Variants in FRMD1 observed in about 807,000 individuals in gnomAD.
FRMD1 encodes FERM domain containing 1.
Under a neutral mutation model 54.9 loss-of-function variants are expected in FRMD1, and 51 were observed. The observed-to-expected ratio is 0.93, with a 90% CI of 0.74 to 1.17. The LOEUF is 1.17. FRMD1 is among the 50% of genes most tolerant of loss of function. The probability of loss-of-function intolerance (pLI) is 0.00; values close to 1 mark genes in which losing one functional copy is unlikely to be tolerated. For missense variants in FRMD1, 729 were observed against 743.0 expected (o/e 0.98, Z 0.22); for synonymous variants, 324 against 306.4 (o/e 1.06, Z -0.60).
chr6:168,087,463 G>A (rs940719788), intron 1 of FRMD1, among the ~76,000 whole-genome samples: 99 of 152,200 alleles, frequency 6.5e-4, no homozygotes, highest in African/African-American at 2.3e-3. Context: ...CTCCCACTCC[G>A]ATAACAATGT....
chr6:168,075,458 A>G, intron 1 of FRMD1, 123 bp from the exon 2 acceptor site: 2 of 766,520 alleles, frequency 2.6e-6, no homozygotes, highest in Middle Eastern at 3.1e-4. Context: ...CCCTGCAGGT[A>G]ACAGGTCTGG....
chr6:168,086,993 G>A (rs12198114), intron 1 of FRMD1, among the ~76,000 whole-genome samples: 2,166 of 152,140 alleles, frequency 0.014, 44 homozygotes, highest in Admixed American at 0.029. Context: ...TCAGCCCTGC[G>A]CTCACCAGCC....
chr6:168,059,171 AG>A lies in FRMD1; in HGVS notation c.1359del (p.Cys454AlafsTer20). ...RGDSQATRQE[P>X]CTQVRTRGQS... ...TGGCCTCTGGTCCTGACCTGGGTGC[AG>A]GGCTCCTGACGAGTGGCTGTGGGAG... is the stretch of plus-strand genomic sequence containing the variant. On this transcript the variant is annotated frameshift_variant, in exon 10 of 11. Transcript: ENST00000283309. LOFTEE classifies it low-confidence loss of function (END_TRUNC). The surrounding 1 kb of genome is among the most constrained non-coding windows in gnomAD (Gnocchi z 4.4). 6.3e-7 allele frequency: 1 copy of A among 1,586,464 alleles called. No homozygotes were observed. The highest frequency in any genetic ancestry group is 1.1e-5 in the South Asian group (1 of 87,320).
At position 168,079,029 on chromosome 6, in the gene FRMD1, A is replaced by G. The variant is rs2115021786; in HGVS notation, c.66T>C (p.Pro22=). The change falls in exon 1 of 11, where the codon CCT becomes CCC. Residue 22 remains proline, a synonymous_variant. Transcript: ENST00000283309. The part of the protein sequence containing the change: ...PARTNPDTFP[P]SGARCMEPSP... ...TGGGTTCCATACATCGCGCCCCTGAAGGAGGGAACGTGTCAGGGTTTGTCC... is the reference window on the plus strand; with the variant it reads ...TGGGTTCCATACATCGCGCCCCTGAGGGAGGGAACGTGTCAGGGTTTGTCC... The G allele has an allele frequency of 6.2e-7, 1 of 1,611,718 alleles. No homozygotes were observed. Among genetic ancestry groups the G allele is most frequent in the Non-Finnish European group, 8.5e-7 (1 of 1,179,914 alleles).
chr6:168,058,341 TGCAGCCTCTCGTGC>T (rs1799526563), intron 10 of FRMD1, among the ~76,000 whole-genome samples: 4 of 85,312 alleles, frequency 4.7e-5, no homozygotes, highest in Non-Finnish European at 1.0e-4. Context: ...TCTCTCTCCA[TGCAGCCTCTCGTGC>T]CCAGCCCTGT....
upstream of FRMD1, among the ~76,000 whole-genome samples, chr6:168,083,920 A>G (rs969560738): frequency 6.6e-6 from 1 of 152,216 alleles, no homozygotes; most frequent in Non-Finnish European, 1.5e-5. Context: ...TACTTGTTAC[A>G]AAGTCTCATC....
chr6:168,065,356 A>C (rs550675311), intron 4 of FRMD1: 98 of 1,183,666 alleles, frequency 8.3e-5, no homozygotes, highest in Admixed American at 7.6e-4. Context: ...ACCAAGCCCC[A>C]GTGCAGGAGA....
chr6:168,071,438 G>A (rs549037934), intron 2 of FRMD1, among the ~76,000 whole-genome samples: 1 of 152,222 alleles, frequency 6.6e-6, no homozygotes, highest in African/African-American at 2.4e-5. Context: ...CTCGGGTCAA[G>A]AAGGCCCTGG....
At position 168,061,880 on chromosome 6, in the gene FRMD1, C is replaced by T. The variant is rs1799756777; in HGVS notation, c.972G>A (p.Leu324=). 4 of 1,589,040 alleles carry T rather than the reference C, an allele frequency of 2.5e-6. No homozygotes were observed. The highest frequency in any genetic ancestry group is 3.4e-6 in the Non-Finnish European group (4 of 1,169,302). ...GGAGGTGGAGCTGGTGGCTGGCGCG[C>T]AGCAGGTGCAGCAGGTGCCTGGACC... ...TWRSRHLLHL[L]RASHQLHLRV... is the part of the protein sequence containing the mutation. The change falls in exon 8 of 11, where the codon CTG becomes CTA. Residue 324 remains leucine, a synonymous_variant. Transcript: ENST00000283309.
intron 2 of FRMD1, among the ~76,000 whole-genome samples, chr6:168,073,801 G>A: frequency 6.6e-6 from 1 of 152,154 alleles, no homozygotes. Context: ...CAGACACTGG[G>A]AGGATGGAGT....
At chr6:168,065,787 C>T (rs1451288508) in intron 4 of FRMD1, 1 of 997,508 alleles carries the variant, frequency 1.0e-6, no homozygotes, top group Admixed American at 6.1e-5. Context: ...CCCCTAGAAC[C>T]TTCCACACAA....
intron 1 of FRMD1, among the ~76,000 whole-genome samples, chr6:168,087,401 A>G (rs186900810): frequency 6.6e-6 from 1 of 152,344 alleles, no homozygotes; most frequent in East Asian, 1.9e-4. Flanking sequence ...AATTTTGCAG[A>G]CAGTGCAAAT....
At chr6:168,088,866 C>G (rs941419967) in intron 1 of FRMD1, among the ~76,000 whole-genome samples, 5 of 151,894 alleles carry the variant, frequency 3.3e-5, no homozygotes, top group Admixed American at 2.6e-4. Flanking sequence ...ACCGGCCTGC[C>G]TGTCAACCTC....
intron 2 of FRMD1, among the ~76,000 whole-genome samples, chr6:168,071,701 T>G (rs538899910): frequency 6.6e-6 from 1 of 151,886 alleles, no homozygotes; most frequent in Non-Finnish European, 1.5e-5. Flanking sequence ...TTGGCAGGAG[T>G]CGGAAAGCCC....
chr6:168,091,594 C>G (rs897751584), intron 1 of FRMD1, among the ~76,000 whole-genome samples: 5 of 152,212 alleles, frequency 3.3e-5, no homozygotes, highest in Non-Finnish European at 5.9e-5. Flanking sequence ...TGCAGAAACC[C>G]TGGGAGAGGC....
In FRMD1 at chr6:168,067,409, G is replaced by A. The variant is rs1800096716; in HGVS notation, c.342C>T (p.Leu114=). 6.2e-7 allele frequency: 1 copy of A among 1,608,546 alleles called. No individual in the cohort carries two copies. The highest frequency in any genetic ancestry group is 8.5e-7 in the Non-Finnish European group (1 of 1,177,408). The stretch of plus-strand genomic sequence containing the variant: ...TCCAATCTTTTGAGAAGTACTTGCT[G>A]AGCTTTTGCTCCAAATCCATAAATA... ...EYIFMDLEQK[L]SKYFSKDWKK... is the part of the protein sequence containing the mutation. The change falls in exon 3 of 11, where the codon CTC becomes CTT. Residue 114 remains leucine, a synonymous_variant. Coordinates refer to ENST00000283309, the MANE Select transcript of FRMD1 (RefSeq NM_024919.6).
intron 1 of FRMD1, among the ~76,000 whole-genome samples, chr6:168,092,511 G>A (rs143000063): frequency 4.8e-5 from 7 of 146,390 alleles, no homozygotes; most frequent in African/African-American, 1.4e-4. Flanking sequence ...GGTTTGGGAG[G>A]TGATACAGTC....
chr6:168,059,139 G>C lies in FRMD1; in HGVS notation c.1392C>G (p.Ala464=). The C allele has an allele frequency of 6.3e-7, 1 of 1,579,628 alleles. No homozygotes were observed. Residue 464 remains alanine (A), a synonymous_variant, in exon 10 of 11, where the codon GCC becomes GCG. Transcript: ENST00000283309. The surrounding 1 kb of genome is among the most constrained non-coding windows in gnomAD (Gnocchi z 4.4). ...GGGACTCTACCTGGTGCACGGCCTC[G>C]GCGCTCTGGCCTCTGGTCCTGACCT... ...CTQVRTRGQS[A]EAVHQIQEMT... is the part of the protein sequence containing the mutation.
chr6:168,065,192 T>A, intron 4 of FRMD1, 135 bp from the exon 5 acceptor site: 1 of 1,428,800 alleles, frequency 7.0e-7, no homozygotes, highest in Non-Finnish European at 9.1e-7. Context: ...TGTCTTGTTA[T>A]ACCCACAGCT....
Sources: gnomAD v4.1 joint callset for allele counts (sites outside exome capture counted in the v4.1 genomes callset) on GRCh38, gnomAD v4.1.1 for gene constraint, Gnocchi (gnomAD v3.1) non-coding constraint, MANE v1.5 for transcripts, NCBI Gene and HGNC (gene_info 2026-07-23, HGNC 2026-07-21) for gene names.